The following RPH3A variants were observed in gnomAD, a reference collection of about 807,000 sequenced individuals.
The protein encoded by RPH3A is rabphilin 3A.
In RPH3A, 48 loss-of-function variants were observed where a neutral mutation model predicts 102.2. That is an observed-to-expected ratio of 0.47 (90% confidence interval 0.37 to 0.60). The LOEUF (loss-of-function observed/expected upper bound fraction) is 0.60. Among genes scored for constraint, RPH3A ranks in the 20% least tolerant of loss-of-function variants. The pLI, the probability that RPH3A is intolerant of heterozygous loss-of-function variation, is 0.00. For synonymous variants in RPH3A, 310 were observed against 324.3 expected (o/e 0.96, Z 0.47); for missense variants, 781 against 910.1 (o/e 0.86, Z 1.83).
chr12:112,788,988 G>A (rs759334270), upstream of RPH3A, among the ~76,000 whole-genome samples: 28 of 152,214 alleles, frequency 1.8e-4, no homozygotes, highest in Middle Eastern at 6.8e-3. Context: ...GCGAAACCCC[G>A]TCTCTACTAA....
chr12:112,862,203 G>A (rs922598241), intron 5 of RPH3A, among the ~76,000 whole-genome samples: 1 of 151,290 alleles, frequency 6.6e-6, no homozygotes, highest in Non-Finnish European at 1.5e-5. Flanking sequence ...TCGTACCATT[G>A]CACTTCAGTC....
At chr12:112,727,299 G>C (rs1242929119) in intron 1 of RPH3A, among the ~76,000 whole-genome samples, 1 of 151,166 alleles carries the variant, frequency 6.6e-6, no homozygotes, top group Non-Finnish European at 1.5e-5. Context: ...GCTGAGGCAG[G>C]AGAATTGCTG....
chr12:112,757,344 G>A (rs948198686), intron 1 of RPH3A, among the ~76,000 whole-genome samples: 3 of 152,192 alleles, frequency 2.0e-5, no homozygotes, highest in Non-Finnish European at 2.9e-5. Context: ...AGCCTTCTGC[G>A]GCAAAGAGCT....
chr12:112,868,483 C>T lies in RPH3A; in HGVS notation c.498C>T (p.Leu166=). 1 of 1,614,198 alleles carries T rather than the reference C, an allele frequency of 6.2e-7. No homozygotes were observed. The highest frequency in any genetic ancestry group is 8.5e-7 in the Non-Finnish European group (1 of 1,180,022). ...TCAAAGGCTTCCCCAAACAGGTCCT[C>T]CCACAGCCTATGCCTATAAAGAAGA... ...WFFKGFPKQV[L]PQPMPIKKTK... Residue 166 remains leucine (L), a synonymous_variant, in exon 8 of 22, where the codon CTC becomes CTT. Transcript: ENST00000389385.
intron 2 of RPH3A, among the ~76,000 whole-genome samples, chr12:112,795,184 C>T (rs777114664): frequency 6.6e-6 from 1 of 152,178 alleles, no homozygotes; most frequent in Non-Finnish European, 1.5e-5. Flanking sequence ...ATGGGTCCTA[C>T]AGAGTTTATG....
intron 1 of RPH3A, among the ~76,000 whole-genome samples, chr12:112,754,919 G>A (rs977637214): frequency 2.0e-5 from 3 of 152,180 alleles, no homozygotes; most frequent in African/African-American, 7.2e-5. Flanking sequence ...TGGGAGTGGA[G>A]CTGACATCAG....
intron 1 of RPH3A, among the ~76,000 whole-genome samples, chr12:112,723,312 C>A (rs1446895718): frequency 6.6e-6 from 1 of 152,086 alleles, no homozygotes; most frequent in African/African-American, 2.4e-5. Flanking sequence ...GTATTGTATA[C>A]TGTAGTCTTA....
At chr12:112,689,138 TGTCTATA>T (rs2040288656) in intron 1 of RPH3A, among the ~76,000 whole-genome samples, 2 of 152,238 alleles carry the variant, frequency 1.3e-5, no homozygotes, top group South Asian at 4.1e-4. Context: ...CAAACTCAGA[TGTCTATA>T]GTGGCCTGAC....
At chr12:112,775,009 C>G (rs1359534638) in intron 1 of RPH3A, among the ~76,000 whole-genome samples, 4 of 150,906 alleles carry the variant, frequency 2.7e-5, no homozygotes, top group Non-Finnish European at 5.9e-5. Context: ...ATAAAATTGT[C>G]TATAAGAACA....
chr12:112,746,945 A>T (rs781607710), intron 1 of RPH3A, among the ~76,000 whole-genome samples: 1 of 152,016 alleles, frequency 6.6e-6, no homozygotes, highest in Non-Finnish European at 1.5e-5. Flanking sequence ...CCTCCCAGCC[A>T]TTGCAGGTGT....
intron 20 of RPH3A, among the ~76,000 whole-genome samples, chr12:112,895,051 A>T (rs1309696919): frequency 6.6e-6 from 1 of 152,184 alleles, no homozygotes; most frequent in Non-Finnish European, 1.5e-5. Context: ...GCTATTTTTT[A>T]AAAATCAGAT....
chr12:112,713,023 C>CTCTTCCTCTTCT lies in RPH3A; in HGVS notation c.-139-79115_-139-79114insCTCTTCTTCTTC, dbSNP rs1473414104. On this transcript the variant is annotated intron_variant, in intron 1 of 21. Transcript: ENST00000543106. ...CCTCTTCCTCTTCCTCTTCCTCTTC[C>CTCTTCCTCTTCT]TCTTCTTCTTCTTCTTCTTCTTCTT... 2.8e-3 allele frequency among the ~76,000 whole-genome samples: 150 copies of CTCTTCCTCTTCT among 52,764 alleles called. 5 individuals are homozygous for CTCTTCCTCTTCT. The highest frequency in any genetic ancestry group is 9.6e-3 in the East Asian group (13 of 1,356). The allele number at this position is 52,764 out of a possible 152,430, so 34.6% of individuals were successfully genotyped here. A position where few individuals can be genotyped will look rare whatever the true frequency, so the allele number is the denominator to read the frequency against.
chr12:112,589,525 C>G (rs552403531), intron 1 of RPH3A, among the ~76,000 whole-genome samples: 1 of 152,300 alleles, frequency 6.6e-6, no homozygotes, highest in South Asian at 2.1e-4. Context: ...GGAGATTTGC[C>G]TGGCTCTCCC....
chr12:112,810,238 A>G (rs1465191615), intron 2 of RPH3A, among the ~76,000 whole-genome samples: 1 of 152,168 alleles, frequency 6.6e-6, no homozygotes, highest in African/African-American at 2.4e-5. Flanking sequence ...GCTTTGAAAG[A>G]TGGGAACCCT....
At chr12:112,669,836 C>T (rs988142043) in intron 1 of RPH3A, among the ~76,000 whole-genome samples, 1 of 152,054 alleles carries the variant, frequency 6.6e-6, no homozygotes, top group Non-Finnish European at 1.5e-5. Context: ...TATTGTATGG[C>T]TATAGCATAA....
intron 1 of RPH3A, among the ~76,000 whole-genome samples, chr12:112,675,922 G>A (rs1444344190): frequency 1.3e-5 from 2 of 152,182 alleles, no homozygotes; most frequent in Non-Finnish European, 2.9e-5. Context: ...CAGAGATCCA[G>A]CCATGGCAGA....
chr12:112,857,395 G>C (rs1367850609), intron 5 of RPH3A, among the ~76,000 whole-genome samples: 1 of 152,150 alleles, frequency 6.6e-6, no homozygotes, highest in Non-Finnish European at 1.5e-5. Flanking sequence ...TATGAATCTT[G>C]AGATGGGGAG....
chr12:112,753,857 G>A (rs963924478), intron 1 of RPH3A, among the ~76,000 whole-genome samples: 62 of 152,192 alleles, frequency 4.1e-4, no homozygotes, highest in African/African-American at 1.5e-3. Flanking sequence ...TTGAAGATGC[G>A]ATAAAGTTAA....
intron 1 of RPH3A, among the ~76,000 whole-genome samples, chr12:112,604,592 C>T (rs1379764760): frequency 6.6e-6 from 1 of 152,176 alleles, no homozygotes; most frequent in Non-Finnish European, 1.5e-5. Context: ...ATTAACCCAA[C>T]ATGTAGCAGC....
Sources: allele counts gnomAD v4.1 joint callset (sites outside exome capture counted in the v4.1 genomes callset), GRCh38; gene constraint gnomAD v4.1.1; transcripts MANE v1.5; gene names NCBI Gene and HGNC (gene_info 2026-07-23, HGNC 2026-07-21).